Variants in ST18 observed in about 807,000 individuals in gnomAD.
ST18 encodes the protein ST18 C2H2C-type zinc finger transcription factor.
ST18 carries 50 observed loss-of-function variants against 110.0 expected under a neutral mutation model. The ratio of observed to expected loss-of-function variants is 0.45; its 90% CI spans 0.36 to 0.58. ST18 has a LOEUF of 0.58. ST18 is among the 20% of genes least tolerant of loss of function. The probability of loss-of-function intolerance (pLI) is 0.00; values close to 1 mark genes in which losing one functional copy is unlikely to be tolerated. For synonymous variants in ST18, 461 were observed against 452.4 expected (o/e 1.02, Z -0.24); for missense variants, 1,306 against 1,280.1 (o/e 1.02, Z -0.31).
intron 22 of ST18, among the ~76,000 whole-genome samples, chr8:52,127,939 G>C (rs1480759119): frequency 1.3e-5 from 2 of 151,790 alleles, no homozygotes; most frequent in Non-Finnish European, 2.9e-5. Context: ...ATATGGTTTT[G>C]ACCAAAATTA....
intron 2 of ST18, among the ~76,000 whole-genome samples, chr8:52,392,246 C>T (rs960518906): frequency 5.9e-5 from 9 of 151,906 alleles, no homozygotes; most frequent in Non-Finnish European, 1.0e-4. Flanking sequence ...GTAGTTTTGA[C>T]AAATAGTTGT....
intron 5 of ST18, among the ~76,000 whole-genome samples, chr8:52,218,887 C>A (rs1054223065): frequency 6.6e-6 from 1 of 152,052 alleles, no homozygotes; most frequent in African/African-American, 2.4e-5. Flanking sequence ...GGAGGAAGAT[C>A]TGTGGCTGCT....
intron 2 of ST18, among the ~76,000 whole-genome samples, chr8:52,375,470 CT>C (rs71252935): frequency 0.75 from 114,605 of 151,908 alleles, 48,147 homozygotes; most frequent in Non-Finnish European, 0.93. Context: ...AGCTATTACT[CT>C]TTTCCTCCTA....
At chr8:52,190,308 A>T (rs1190885729) in intron 8 of ST18, among the ~76,000 whole-genome samples, 1 of 152,160 alleles carries the variant, frequency 6.6e-6, no homozygotes, top group Non-Finnish European at 1.5e-5. Flanking sequence ...AAAATCCAAA[A>T]TCCAATACAC....
chr8:52,118,277 G>T, intron 24 of ST18, 61 bp downstream of exon 24: 1 of 1,159,140 alleles, frequency 8.6e-7, no homozygotes, highest in Non-Finnish European at 1.2e-6. Context: ...AAATTTCAAT[G>T]TTTTGTTTCC....
At chr8:52,345,441 T>G (rs1304111206) in intron 2 of ST18, among the ~76,000 whole-genome samples, 1 of 152,248 alleles carries the variant, frequency 6.6e-6, no homozygotes, top group Non-Finnish European at 1.5e-5. Flanking sequence ...AGAGGATGGA[T>G]GCATGAAATG....
chr8:52,150,307 T>C (rs1013275663), intron 15 of ST18, among the ~76,000 whole-genome samples: 2 of 152,024 alleles, frequency 1.3e-5, no homozygotes, highest in East Asian at 1.9e-4. Flanking sequence ...TATATACACA[T>C]ACACACACAT....
chr8:52,197,718 G>A (rs569307298), intron 8 of ST18, among the ~76,000 whole-genome samples: 1 of 152,076 alleles, frequency 6.6e-6, no homozygotes, highest in South Asian at 2.1e-4. Context: ...AAAGAATGAG[G>A]GCAGGGAGGC....
chr8:52,257,465 TTATGGTTG>T (rs2094560833), intron 2 of ST18, among the ~76,000 whole-genome samples: 1 of 152,180 alleles, frequency 6.6e-6, no homozygotes, highest in South Asian at 2.1e-4. Context: ...ATCTTTTCTA[TTATGGTTG>T]TTTCGGTGGG....
intron 2 of ST18, among the ~76,000 whole-genome samples, chr8:52,274,569 T>C (rs1160578818): frequency 6.6e-6 from 1 of 152,174 alleles, no homozygotes; most frequent in African/African-American, 2.4e-5. Flanking sequence ...CCTAAAAATA[T>C]GTAATAAGTG....
intron 8 of ST18, among the ~76,000 whole-genome samples, chr8:52,190,360 T>C (rs1422893612): frequency 6.6e-6 from 1 of 152,160 alleles, no homozygotes; most frequent in African/African-American, 2.4e-5. Context: ...ATTCAAGCTG[T>C]ACCACCCTTA....
intron 17 of ST18, 32 bp from the exon 18 acceptor site, chr8:52,137,515 A>C (rs1360181110): frequency 1.9e-6 from 3 of 1,611,116 alleles, no homozygotes; most frequent in Non-Finnish European, 2.5e-6. Flanking sequence ...CATTAGAGTC[A>C]AGCGCATTTC....
chr8:52,289,142 G>A (rs903062882), intron 2 of ST18, among the ~76,000 whole-genome samples: 7 of 152,160 alleles, frequency 4.6e-5, no homozygotes, highest in Admixed American at 3.3e-4. Flanking sequence ...ACCCCTCTAC[G>A]GATGGCAAAA....
intron 2 of ST18, among the ~76,000 whole-genome samples, chr8:52,358,980 T>C (rs996031283): frequency 6.6e-6 from 1 of 151,964 alleles, no homozygotes; most frequent in Admixed American, 6.6e-5. Context: ...ATGAAAATAC[T>C]AGGAACCAAA....
chr8:52,335,481 T>C (rs1012299874), intron 2 of ST18, among the ~76,000 whole-genome samples: 1 of 152,242 alleles, frequency 6.6e-6, no homozygotes, highest in African/African-American at 2.4e-5. Flanking sequence ...ATTTTGCATA[T>C]ACATAATAAG....
chr8:52,138,861 T>A (rs758540788), intron 17 of ST18, among the ~76,000 whole-genome samples: 1 of 152,230 alleles, frequency 6.6e-6, no homozygotes, highest in Non-Finnish European at 1.5e-5. Flanking sequence ...ATACATGTTT[T>A]AGCCTTTTGA....
intron 2 of ST18, among the ~76,000 whole-genome samples, chr8:52,356,283 A>T (rs1488472879): frequency 6.6e-6 from 1 of 152,220 alleles, no homozygotes; most frequent in Non-Finnish European, 1.5e-5. Flanking sequence ...GAGAGTATTT[A>T]TTAATATTTA....
chr8:52,311,836 T>A (rs542531673), intron 2 of ST18, among the ~76,000 whole-genome samples: 1 of 152,178 alleles, frequency 6.6e-6, no homozygotes, highest in Non-Finnish European at 1.5e-5. Flanking sequence ...ATTAGGGGAC[T>A]TTGGGGATGA....
intron 22 of ST18, among the ~76,000 whole-genome samples, chr8:52,130,157 A>AAGAAAGAAAGAAAGAG (rs2048951851): frequency 6.7e-6 from 1 of 149,584 alleles, no homozygotes; most frequent in Non-Finnish European, 1.5e-5. Context: ...GAAAGAAAGA[A>AAGAAAGAAAGAAAGAG]AGAAAGAAAA....
Sources: allele counts gnomAD v4.1 joint callset (sites outside exome capture counted in the v4.1 genomes callset), GRCh38; gene constraint gnomAD v4.1.1; transcripts MANE v1.5; gene names NCBI Gene and HGNC (gene_info 2026-07-23, HGNC 2026-07-21).